PRKCA: variants seen among roughly 807,000 people sequenced by gnomAD.
PRKCA encodes the protein protein kinase C alpha type.
PRKCA carries 27 observed loss-of-function variants against 87.0 expected under a neutral mutation model. The ratio of observed to expected loss-of-function variants is 0.31; its 90% CI spans 0.23 to 0.43. PRKCA has a LOEUF of 0.43. PRKCA is among the 20% of genes least tolerant of loss of function. PRKCA has a pLI of 1.00. For synonymous variants in PRKCA, 329 were observed against 311.1 expected, an observed-to-expected ratio of 1.06 and a Z score of -0.61; for missense variants, 518 against 852.3, an observed-to-expected ratio of 0.61 and a Z score of 4.88.
intron 13 of PRKCA, among the ~76,000 whole-genome samples, chr17:66,764,095 A>T (rs1974745650): frequency 1.3e-5 from 2 of 152,188 alleles, no homozygotes; most frequent in Admixed American, 1.3e-4. Context: ...TGCTGCTTGC[A>T]AGCTCTGTAA....
intron 13 of PRKCA, among the ~76,000 whole-genome samples, chr17:66,755,184 A>C (rs1165214922): frequency 6.6e-6 from 1 of 152,150 alleles, no homozygotes; most frequent in Non-Finnish European, 1.5e-5. Context: ...GCCTCCCACC[A>C]CCTGACCCAG....
chr17:66,389,611 G>T (rs763964893), intron 2 of PRKCA, among the ~76,000 whole-genome samples: 1 of 152,218 alleles, frequency 6.6e-6, no homozygotes, highest in Non-Finnish European at 1.5e-5. Context: ...CGTTGTCCTG[G>T]GCCAGGATGG....
intron 3 of PRKCA, among the ~76,000 whole-genome samples, chr17:66,541,762 A>G (rs572588627): frequency 6.6e-6 from 1 of 152,350 alleles, no homozygotes; most frequent in African/African-American, 2.4e-5. Flanking sequence ...TTACATATCT[A>G]TTTTTGAGGT....
intron 3 of PRKCA, among the ~76,000 whole-genome samples, chr17:66,636,724 C>A (rs919894420): frequency 2.0e-5 from 3 of 152,142 alleles, no homozygotes; most frequent in Non-Finnish European, 4.4e-5. Flanking sequence ...TCTTATATTC[C>A]CTAAGCTGGG....
chr17:66,320,520 G>T (rs1905595621), intron 2 of PRKCA, among the ~76,000 whole-genome samples: 1 of 152,124 alleles, frequency 6.6e-6, no homozygotes, highest in Admixed American at 6.6e-5. Flanking sequence ...GGTAAATAAG[G>T]ATTGTATATT....
Position 66,589,271 on chromosome 17 carries a change from G to C in PRKCA, c.289-52084G>C, listed in dbSNP as rs150021934. Among the ~76,000 whole-genome samples, 671 of 152,074 alleles carry C rather than the reference G, an allele frequency of 4.4e-3. 4 individuals are homozygous for C. The highest frequency in any genetic ancestry group is 0.015 in the African/African-American group (609 of 41,496). ...GTCCACCAAGAGATAACGGCTGTTA[G>C]TACCCTGAAATATATCCTGTTAAAC... On this transcript the variant is annotated intron_variant, in intron 3 of 16. Coordinates refer to ENST00000413366, the MANE Select transcript of PRKCA (RefSeq NM_002737.3).
chr17:66,352,371 G>A (rs1387630892), intron 2 of PRKCA, among the ~76,000 whole-genome samples: 1 of 152,038 alleles, frequency 6.6e-6, no homozygotes, highest in Non-Finnish European at 1.5e-5. Context: ...AGGCTTTTCT[G>A]TGACCATGAA....
rs567092289 is a variant in PRKCA, at chr17:66,596,540, A to G, written c.289-44815A>G. Among the ~76,000 whole-genome samples the G allele has an allele frequency of 4.4e-4, 64 of 144,536 alleles. No individual in the cohort carries two copies. The South Asian group carries it at 0.014, about 31-fold the overall frequency. The allele number at this position is 144,536 out of a possible 152,430, so 94.8% of individuals were successfully genotyped here. A position where few individuals can be genotyped will look rare whatever the true frequency, so the allele number is the denominator to read the frequency against. On this transcript the variant is annotated intron_variant, in intron 3 of 16. Coordinates refer to ENST00000413366, the MANE Select transcript of PRKCA (RefSeq NM_002737.3). Reference sequence around the variant, plus strand: ...TTTTAGTTCATATCAGATGTTCAGAATCTTTGTAGGAAATTGAAAAAATAT... The same window carrying G: ...TTTTAGTTCATATCAGATGTTCAGAGTCTTTGTAGGAAATTGAAAAAATAT...
intron 8 of PRKCA, among the ~76,000 whole-genome samples, chr17:66,731,077 G>A (rs3889538): frequency 0.034 from 5,196 of 152,188 alleles, 310 homozygotes; most frequent in African/African-American, 0.12. Context: ...ATGGGCAGGC[G>A]TGGTGGCTCA....
chr17:66,360,748 A>C (rs1598615003), intron 2 of PRKCA, among the ~76,000 whole-genome samples: 1 of 152,282 alleles, frequency 6.6e-6, no homozygotes, highest in Middle Eastern at 3.4e-3. Flanking sequence ...TGTCATCCGA[A>C]CTGGATAATG....
chr17:66,316,854 A>G (rs1905343022), intron 2 of PRKCA, among the ~76,000 whole-genome samples: 1 of 152,134 alleles, frequency 6.6e-6, no homozygotes, highest in Non-Finnish European at 1.5e-5. Context: ...ACATATTAAA[A>G]ATCAGCAGCC....
At chr17:66,408,029 T>C (rs1161131800) in intron 2 of PRKCA, among the ~76,000 whole-genome samples, 3 of 152,228 alleles carry the variant, frequency 2.0e-5, no homozygotes, top group African/African-American at 7.2e-5. Context: ...CCACCCATCC[T>C]CCATGGAGGT....
intron 3 of PRKCA, among the ~76,000 whole-genome samples, chr17:66,587,895 G>GTGTATATATATATATA (rs1485055138): frequency 1.2e-5 from 1 of 85,416 alleles, no homozygotes; most frequent in African/African-American, 4.0e-5. Context: ...GTGTGTGTGT[G>GTGTATATATATATATA]TATATATATA....
At chr17:66,585,751 C>T (rs1681121031) in intron 3 of PRKCA, among the ~76,000 whole-genome samples, 4 of 152,176 alleles carry the variant, frequency 2.6e-5, no homozygotes, top group Admixed American at 2.6e-4. Flanking sequence ...ACCTGGAGGG[C>T]ATTATTAAAT....
intron 14 of PRKCA, chr17:66,778,062 G>GGTTTCCCTACTAA (rs1442300895): frequency 1.0e-6 from 1 of 985,274 alleles, no homozygotes; most frequent in Non-Finnish European, 1.2e-6. Context: ...CTTATTTAAA[G>GGTTTCCCTACTAA]GTTTCCCTAC....
At chr17:66,516,833 G>A (rs1966984506) in intron 3 of PRKCA, among the ~76,000 whole-genome samples, 1 of 152,146 alleles carries the variant, frequency 6.6e-6, no homozygotes, top group South Asian at 2.1e-4. Context: ...GAACAGGGAG[G>A]CTGAGGTGGC....
At chr17:66,785,892 A>G (rs1458711108) in intron 14 of PRKCA, among the ~76,000 whole-genome samples, 1 of 152,166 alleles carries the variant, frequency 6.6e-6, no homozygotes, top group Non-Finnish European at 1.5e-5. Flanking sequence ...GCAGTGGTGC[A>G]ATCTCAGCTC....
chr17:66,752,253 A>G lies in PRKCA; in HGVS notation c.1524+9493A>G, dbSNP rs555092979. 5.8e-4 allele frequency among the ~76,000 whole-genome samples: 89 copies of G among 152,312 alleles called. 1 individual carries two copies. The South Asian group carries it at 6.8e-3, about 12-fold the overall frequency. On this transcript the variant is annotated intron_variant, in intron 13 of 16. Transcript: ENST00000413366. ...TTGTCCATTATTTGGCAGTTGTTTC[A>G]ATTATCTATTGATGTGTAATCGCCC...
At chr17:66,741,057 T>C (rs1974149669) in intron 11 of PRKCA, among the ~76,000 whole-genome samples, 1 of 152,224 alleles carries the variant, frequency 6.6e-6, no homozygotes, top group African/African-American at 2.4e-5. Context: ...CTGAATGCTA[T>C]GCAGATTTTT....
Sources: allele counts gnomAD v4.1 joint callset (sites outside exome capture counted in the v4.1 genomes callset), GRCh38; gene constraint gnomAD v4.1.1; transcripts MANE v1.5; gene names NCBI Gene and HGNC (gene_info 2026-07-23, HGNC 2026-07-21).